ATP13A1: variants seen among roughly 807,000 people sequenced by gnomAD.
The protein encoded by ATP13A1 is ATPase 13A1, also known as endoplasmic reticulum transmembrane helix translocase.
ATP13A1 carries 55 observed loss-of-function variants against 134.8 expected under a neutral mutation model. That is an observed-to-expected ratio of 0.41 (90% CI 0.33 to 0.51). ATP13A1 has a LOEUF of 0.51. Among genes scored for constraint, ATP13A1 ranks in the 20% least tolerant of loss-of-function variants. The pLI, the probability that ATP13A1 is intolerant of heterozygous loss-of-function variation, is 0.29. For synonymous variants in ATP13A1, 775 were observed against 725.1 expected, an observed-to-expected ratio of 1.07 and a Z score of -1.10; for missense variants, 1,389 against 1,652.8, an observed-to-expected ratio of 0.84 and a Z score of 2.77.
Position 19,645,895 on chromosome 19 carries a change from G to A in ATP13A1, c.3339C>T (p.Ala1113=), listed in dbSNP as rs1354669976. The change falls in exon 24 of 26, where the codon GCC becomes GCT. Residue 1113 remains alanine (A), a synonymous_variant. Transcript: ENST00000357324. The surrounding 1 kb of genome is among the most constrained non-coding windows in gnomAD (Gnocchi z 4.1). ...TTACTTTGTAATTGATGGCGAAGGT[G>A]GCCATCTGCATGGCCATGGCCATGA... ...VYIMAMAMQM[A]TFAINYKGPP... The A allele has an allele frequency of 1.2e-5, 19 of 1,613,790 alleles. No individual in the cohort carries two copies. Among genetic ancestry groups the A allele is most frequent in the Non-Finnish European group, 1.6e-5 (19 of 1,179,880 alleles).
Position 19,647,861 on chromosome 19 carries a change from G to T in ATP13A1, c.2633-102C>A. ...TCCTGAAGTCCCCCAGCTGGCTCCC[G>T]TGAGGACAGTTCCCAGACTTCCCCA... On this transcript the variant is annotated intron_variant, in intron 19 of 25. Transcript: ENST00000357324. This position sits in a 1 kb window ranked among gnomAD's most constrained non-coding sequence, Gnocchi z 4.8. The T allele has an allele frequency of 7.2e-7, 1 of 1,398,470 alleles. No individual in the cohort carries two copies. The highest frequency in any genetic ancestry group is 9.5e-7 in the Non-Finnish European group (1 of 1,049,174). The allele number at this position is 1,398,470 out of a possible 1,614,324, so 86.6% of individuals were successfully genotyped here. A position where few individuals can be genotyped will look rare whatever the true frequency, so the allele number is the denominator to read the frequency against.
chr19:19,649,541 G>T (rs576347729), intron 19 of ATP13A1, 26 bp downstream of exon 19: 5 of 1,607,620 alleles, frequency 3.1e-6, no homozygotes, highest in Non-Finnish European at 3.4e-6. Flanking sequence ...GTCCACAAAC[G>T]AAATACCCTA....
intron 19 of ATP13A1, among the ~76,000 whole-genome samples, chr19:19,648,012 G>T (rs567530198): frequency 6.6e-6 from 1 of 152,156 alleles, no homozygotes; most frequent in African/African-American, 2.4e-5. Flanking sequence ...CACAACACGA[G>T]ATAGGTCAAA....
rs1165992018 is a variant in ATP13A1, at chr19:19,659,990, G to A, written c.397-3C>T. The A allele has an allele frequency of 6.4e-7, 1 of 1,561,204 alleles. No individual in the cohort carries two copies. The highest frequency in any genetic ancestry group is 8.7e-7 in the Non-Finnish European group (1 of 1,154,424). ...GTCGCTTTGCTGGGGTCGTACTCCT[G>A]ACAGAGACAAAGAAAGCATTGTGGC... On this transcript the variant is annotated splice_polypyrimidine_tract_variant and splice_region_variant and intron_variant, in intron 1 of 25. Coordinates refer to ENST00000357324, the MANE Select transcript of ATP13A1 (RefSeq NM_020410.3).
At chr19:19,660,230 C>A (rs1220190771) in intron 1 of ATP13A1, among the ~76,000 whole-genome samples, 1 of 152,222 alleles carries the variant, frequency 6.6e-6, no homozygotes, top group Admixed American at 6.5e-5. Context: ...ACCCATAATC[C>A]CAGCACTTTG....
At chr19:19,654,986 C>G in intron 12 of ATP13A1, 133 bp downstream of exon 12, 2 of 1,393,492 alleles carry the variant, frequency 1.4e-6, no homozygotes, top group Non-Finnish European at 1.9e-6. Context: ...GTGGGGAGCC[C>G]CTGGAAATGA....
intron 22 of ATP13A1, 174 bp downstream of exon 22, chr19:19,646,955 C>T: frequency 1.4e-6 from 1 of 706,016 alleles, no homozygotes. Context: ...CTGGAGGGGT[C>T]TGGGAGCCTC....
At position 19,651,686 on chromosome 19, in the gene ATP13A1, C is replaced by T. The variant is rs546029667; in HGVS notation, c.2335+3G>A. 26 of 1,609,376 alleles carry T rather than the reference C, an allele frequency of 1.6e-5. 1 individual carries two copies. In the South Asian group the frequency reaches 2.6e-4, roughly 16 times the overall value. On this transcript the variant is annotated splice_donor_region_variant and intron_variant, in intron 17 of 25. Coordinates refer to ENST00000357324, the MANE Select transcript of ATP13A1 (RefSeq NM_020410.3). ...CCCACTGTGGGCCAGGCTAGGGCCT[C>T]ACCTTTCTCGGAGGGAGGCTGCAGG...
rs142504675 is a variant in ATP13A1, at chr19:19,652,704, C to T, written c.2117G>A (p.Arg706Gln). 1.2e-6 allele frequency: 2 copies of T among 1,605,894 alleles called. No individual in the cohort carries two copies. Among genetic ancestry groups the T allele is most frequent in the Non-Finnish European group, 1.7e-6 (2 of 1,177,412 alleles). Residue 706 changes from arginine (R) to glutamine (Q), a missense_variant, in exon 16 of 26, where the codon CGG becomes CAG. This residue lies in a region of ATP13A1 where 747 missense variants were observed against 956.1 expected (regional missense o/e 0.78). Transcript: ENST00000357324. ...CTTGAGGCTGCACTCCAGGGCCTCC[C>T]GCTTGACCTCCCGGGCCTGCGGACA... ...LTHQQAREVK[R>Q]EALECSLKFV...
At chr19:19,660,380 G>A (rs1599438707) in intron 1 of ATP13A1, 2 of 198,184 alleles carry the variant, frequency 1.0e-5, no homozygotes, top group East Asian at 1.8e-4. Context: ...TACTTAGGAG[G>A]CTGAGGCAGG....
Position 19,645,484 on chromosome 19 carries a change from G to A in ATP13A1, c.3553C>T (p.Leu1185Phe). ...AACTGCAGGACGCGGTCGGCCAGGA[G>A]CGCCAGGCAGAAGTCCAGGAGCAGG... ...QVLLLDFCLALLADRVLQFFL... is the reference protein window; with the variant it reads ...QVLLLDFCLAFLADRVLQFFL... The change falls in exon 26 of 26, where the codon CTC becomes TTC. Residue 1185 changes from leucine to phenylalanine, a missense_variant. Transcript: ENST00000357324. The surrounding 1 kb of genome is among the most constrained non-coding windows in gnomAD (Gnocchi z 4.1). 6.2e-7 allele frequency: 1 copy of A among 1,608,560 alleles called. No homozygotes were observed. The highest frequency in any genetic ancestry group is 8.5e-7 in the Non-Finnish European group (1 of 1,177,700).
chr19:19,652,333 C>T (rs949514947), intron 16 of ATP13A1, among the ~76,000 whole-genome samples: 4 of 152,160 alleles, frequency 2.6e-5, no homozygotes, highest in African/African-American at 9.7e-5. Flanking sequence ...GGCGGTGGAA[C>T]GGGGAAGTGG....
chr19:19,658,708 C>T (rs950962666), intron 3 of ATP13A1, among the ~76,000 whole-genome samples: 2 of 152,090 alleles, frequency 1.3e-5, no homozygotes, highest in Non-Finnish European at 2.9e-5. Context: ...GGGTGTGCAC[C>T]GCACATTGGC....
Position 19,663,380 on chromosome 19 carries a change from A to C in ATP13A1, c.287T>G (p.Ile96Ser). 1 of 1,588,406 alleles carries C rather than the reference A, an allele frequency of 6.3e-7. No homozygotes were observed. Among genetic ancestry groups the C allele is most frequent in the African/African-American group, 1.3e-5 (1 of 74,408 alleles). The change falls in exon 1 of 26, where the codon ATC (isoleucine) becomes AGC (serine). Residue 96 changes from isoleucine (I) to serine (S), a missense_variant. Ile to Ser is a moderately radical substitution (Grantham distance 142, BLOSUM62 -2). Coordinates refer to ENST00000357324, the MANE Select transcript of ATP13A1 (RefSeq NM_020410.3). The part of the protein sequence containing the change: ...CWGWGSSWVQ[I>S]PEAALLVLAT... ...AAGCACGAGCAGCGCAGCTTCGGGG[A>C]TCTGCACCCAACTGCTGCCCCAGCC...
chr19:19,656,311 AC>A lies in ATP13A1; in HGVS notation c.1084-129del. 7.7e-7 allele frequency: 1 copy of A among 1,304,568 alleles called. No homozygotes were observed. The highest frequency in any genetic ancestry group is 1.0e-6 in the Non-Finnish European group (1 of 956,800). 80.8% of individuals were successfully genotyped at this position (1,304,568 alleles called of 1,614,324 possible). ...GATCCCCACCCGACCAATACATCCC[AC>A]CCAGCTCCCAGATCCTCACCCTCAC... On this transcript the variant is annotated intron_variant, in intron 7 of 25. Transcript: ENST00000357324. The surrounding 1 kb of genome is among the most constrained non-coding windows in gnomAD (Gnocchi z 4.6).
intron 13 of ATP13A1, among the ~76,000 whole-genome samples, 170 bp downstream of exon 13, chr19:19,654,373 G>C (rs1003155003): frequency 1.3e-5 from 2 of 152,192 alleles, no homozygotes; most frequent in African/African-American, 4.8e-5. Context: ...GGACACCCAA[G>C]GACGTGGCCT....
In ATP13A1 at chr19:19,663,315, C is replaced by T. The variant is rs768482103; in HGVS notation, c.352G>A (p.Gly118Arg). The change falls in exon 1 of 26, where the codon GGG becomes AGG. Residue 118 changes from glycine to arginine, a missense_variant. Coordinates refer to ENST00000357324, the MANE Select transcript of ATP13A1 (RefSeq NM_020410.3). ...CLAHALTVLS[G>R]HWSVHAHCAL... ...CAATGCGCGTGCACAGACCAATGCC[C>T]CGAGAGGACAGTGAGCGCGTGCGCG... The T allele has an allele frequency of 4.1e-5, 65 of 1,591,044 alleles. No homozygotes were observed. Among genetic ancestry groups the T allele is most frequent in the Non-Finnish European group, 5.2e-5 (61 of 1,170,100 alleles).
rs534880122 is a variant in ATP13A1 at position 19,646,610 on chromosome 19, T to A, written c.3106-263A>T. 1.8e-4 allele frequency: 98 copies of A among 530,790 alleles called. 1 individual carries two copies. In the South Asian group the frequency reaches 2.1e-3, roughly 11 times the overall value. The allele number at this position is 530,790 out of a possible 1,614,324, so 32.9% of individuals were successfully genotyped here. ...AGGGGCCTGAGAATCATGAAGCAGA[T>A]CCTGCCCTCCCTGGAGCCCACGGGA... On this transcript the variant is annotated intron_variant, in intron 22 of 25. Coordinates refer to ENST00000357324, the MANE Select transcript of ATP13A1 (RefSeq NM_020410.3).
At position 19,655,779 on chromosome 19, in the gene ATP13A1, G is replaced by A; in HGVS notation, c.1269+99C>T. 1 of 1,533,164 alleles carries A rather than the reference G, an allele frequency of 6.5e-7. No individual in the cohort carries two copies. Among genetic ancestry groups the A allele is most frequent in the East Asian group, 2.4e-5 (1 of 41,008 alleles). The allele number at this position is 1,533,164 out of a possible 1,614,324, so 95.0% of individuals were successfully genotyped here. A position where few individuals can be genotyped will look rare whatever the true frequency, so the allele number is the denominator to read the frequency against. ...GCCCAGGTCCAGGGCCGTGCTGCCAGAGTCAGCCCGTGGGGCAGATGTTCT... is the reference window on the plus strand; with the variant it reads ...GCCCAGGTCCAGGGCCGTGCTGCCAAAGTCAGCCCGTGGGGCAGATGTTCT... On this transcript the variant is annotated intron_variant, in intron 9 of 25. Transcript: ENST00000357324. The surrounding 1 kb of genome is among the most constrained non-coding windows in gnomAD (Gnocchi z 5.7).
Sources: gnomAD v4.1 joint callset for allele counts (sites outside exome capture counted in the v4.1 genomes callset) on GRCh38, gnomAD v4.1.1 for gene constraint, gnomAD v4.1.1 regional missense constraint, Gnocchi (gnomAD v3.1) non-coding constraint, MANE v1.5 for transcripts, NCBI Gene and HGNC (gene_info 2026-07-23, HGNC 2026-07-21) for gene names.